The following SDC4 variants were observed in gnomAD, a reference collection of about 807,000 sequenced individuals.
The protein encoded by SDC4 is syndecan 4.
SDC4 carries 17 observed loss-of-function variants against 20.5 expected under a neutral mutation model. That is an observed-to-expected ratio of 0.83 (90% CI 0.57 to 1.25). The LOEUF is 1.25. Ranked by LOEUF, SDC4 falls within the 50% of genes most tolerant of loss-of-function variation. The probability of loss-of-function intolerance (pLI) is 0.00; values close to 1 mark genes in which losing one functional copy is unlikely to be tolerated. For synonymous variants in SDC4, 107 were observed against 105.3 expected, an observed-to-expected ratio of 1.02 and a Z score of -0.10; for missense variants, 241 against 252.3, an observed-to-expected ratio of 0.96 and a Z score of 0.30.
In SDC4 at chr20:45,342,192, G is replaced by T. The variant is rs754268661; in HGVS notation, c.60+6133C>A. The stretch of plus-strand genomic sequence containing the variant: ...TCTCAGAGCAGAGTAGAGAGCCCAC[G>T]CTGCAGCCTTATCTCAGCTGATTAG... On this transcript the variant is annotated intron_variant, in intron 1 of 4. Coordinates refer to ENST00000372733, the MANE Select transcript of SDC4 (RefSeq NM_002999.4). Among the ~76,000 whole-genome samples the T allele has an allele frequency of 1.8e-4, 27 of 152,298 alleles. No individual in the cohort carries two copies. In the South Asian group the frequency reaches 3.5e-3, roughly 20 times the overall value.
intron 1 of SDC4, among the ~76,000 whole-genome samples, chr20:45,338,833 C>T (rs567632395): frequency 2.6e-5 from 4 of 152,176 alleles, no homozygotes; most frequent in African/African-American, 4.8e-5. Context: ...CGGGGCTCCG[C>T]GGCACGGCCT....
Position 45,348,344 on chromosome 20 carries a change from A to G in SDC4, c.41T>C (p.Val14Ala). 1.3e-6 allele frequency: 2 copies of G among 1,592,098 alleles called. No homozygotes were observed. Among genetic ancestry groups the G allele is most frequent in the African/African-American group, 1.3e-5 (1 of 74,218 alleles). ...ACCCACCGACTCGGCGACTCCGCCT[A>G]CGAAGAACAGCAGCAGCGCGAACAG... ...ARLFALLLFFVGGVAESIRET... is the reference protein window; with the variant it reads ...ARLFALLLFFAGGVAESIRET... Residue 14 changes from valine (V) to alanine (A), a missense_variant, in exon 1 of 5, where the codon GTA becomes GCA. Transcript: ENST00000372733.
chr20:45,326,354 A>AG lies in SDC4; in HGVS notation c.*909dup, dbSNP rs1484895778. On this transcript the variant is annotated 3_prime_UTR_variant, in exon 5 of 5. Coordinates refer to ENST00000372733, the MANE Select transcript of SDC4 (RefSeq NM_002999.4). ...AAGAGAACAAAGAAAGAAGAGGGGA[A>AG]GGGAGGCCCTATCTAAAGCTATAAA... is the stretch of plus-strand genomic sequence containing the variant. 6.7e-6 allele frequency: 1 copy of AG among 148,750 alleles called. No homozygotes were observed. The highest frequency in any genetic ancestry group is 2.5e-5 in the African/African-American group (1 of 40,648). 9.2% of individuals were successfully genotyped at this position (148,750 alleles called of 1,614,324 possible). A position where few individuals can be genotyped will look rare whatever the true frequency, so the allele number is the denominator to read the frequency against.
At chr20:45,331,710 G>C (rs1987780385) in intron 3 of SDC4, among the ~76,000 whole-genome samples, 1 of 152,196 alleles carries the variant, frequency 6.6e-6, no homozygotes, top group African/African-American at 2.4e-5. Flanking sequence ...ACTCCCATCA[G>C]TGCCATGGCA....
At chr20:45,335,975 T>C in intron 1 of SDC4, 55 bp from the exon 2 acceptor site, 3 of 1,582,622 alleles carry the variant, frequency 1.9e-6, no homozygotes, top group Non-Finnish European at 2.6e-6. Flanking sequence ...CCATGACAGC[T>C]GATGCCCAAA....
At chr20:45,331,598 T>A (rs1987778649) in intron 3 of SDC4, among the ~76,000 whole-genome samples, 1 of 152,128 alleles carries the variant, frequency 6.6e-6, no homozygotes, top group Non-Finnish European at 1.5e-5. Flanking sequence ...CAGGTTGCAA[T>A]AAAGAAGCTT....
chr20:45,337,264 T>A lies in SDC4; in HGVS notation c.61-1344A>T, dbSNP rs549070781. On this transcript the variant is annotated intron_variant, in intron 1 of 4. Coordinates refer to ENST00000372733, the MANE Select transcript of SDC4 (RefSeq NM_002999.4). Reference sequence around the variant, plus strand: ...TGAGCAAAGTTCATTATTCTACTAATTAATTCAAACACTAAAGTGCCTAGT... The same window carrying A: ...TGAGCAAAGTTCATTATTCTACTAAATAATTCAAACACTAAAGTGCCTAGT... 7.9e-5 allele frequency among the ~76,000 whole-genome samples: 12 copies of A among 152,330 alleles called. No individual in the cohort carries two copies. In the South Asian group the frequency reaches 2.3e-3, roughly 29 times the overall value.
intron 1 of SDC4, among the ~76,000 whole-genome samples, chr20:45,337,379 A>G (rs1987887624): frequency 6.6e-6 from 1 of 152,170 alleles, no homozygotes; most frequent in Admixed American, 6.5e-5. Context: ...AGACGCCATA[A>G]CTGCAGGAGC....
Position 45,327,344 on chromosome 20 carries a change from T to C in SDC4, c.517A>G (p.Lys173Glu). ...FLILLLMYRM[K>E]KKDEGSYDLG... The stretch of plus-strand genomic sequence containing the variant: ...TCATAGCTGCCTTCATCCTTCTTCT[T>C]CATACGGTACATGAGCAGTAGGATC... The change falls in exon 5 of 5, where the codon AAG becomes GAG. Residue 173 changes from lysine to glutamate, a missense_variant. By Grantham distance (56) the Lys-to-Glu change is moderately conservative. Coordinates refer to ENST00000372733, the MANE Select transcript of SDC4 (RefSeq NM_002999.4). 1 of 1,614,098 alleles carries C rather than the reference T, an allele frequency of 6.2e-7. No individual in the cohort carries two copies. Among genetic ancestry groups the C allele is most frequent in the East Asian group, 2.2e-5 (1 of 44,872 alleles).
intron 1 of SDC4, among the ~76,000 whole-genome samples, chr20:45,344,342 C>T (rs1035566754): frequency 6.6e-6 from 1 of 152,156 alleles, no homozygotes; most frequent in African/African-American, 2.4e-5. Flanking sequence ...CAAGGTAAAA[C>T]TCTGAGCTCA....
At chr20:45,327,523 C>T in intron 4 of SDC4, 108 bp from the exon 5 acceptor site, 2 of 1,244,416 alleles carry the variant, frequency 1.6e-6, no homozygotes, top group Non-Finnish European at 2.2e-6. Flanking sequence ...GACATCCTCA[C>T]CATCACCACT....
chr20:45,338,589 T>TG, intron 1 of SDC4, among the ~76,000 whole-genome samples: 1 of 152,212 alleles, frequency 6.6e-6, no homozygotes. Context: ...AAACAACCCA[T>TG]GGGATTAGCA....
chr20:45,327,283 G>A lies in SDC4; in HGVS notation c.578C>T (p.Thr193Ile), dbSNP rs750287547. The change falls in exon 5 of 5, where the codon ACC becomes ATC. Residue 193 changes from threonine (T) to isoleucine (I), a missense_variant. Physicochemically the swap from Thr to Ile is moderately conservative, Grantham distance 89. Transcript: ENST00000372733. The stretch of plus-strand genomic sequence containing the variant: ...CAAGCTTCACGCGTAGAACTCATTG[G>A]TGGGGGCTTTCTTGTAGATGGGTTT... ...GKKPIYKKAP[T>I]NEFYA 1.2e-6 allele frequency: 2 copies of A among 1,614,194 alleles called. No individual in the cohort carries two copies. The highest frequency in any genetic ancestry group is 2.7e-5 in the African/African-American group (2 of 75,048).
chr20:45,347,429 C>G (rs1988048088), intron 1 of SDC4, among the ~76,000 whole-genome samples: 2 of 152,076 alleles, frequency 1.3e-5, no homozygotes, highest in Non-Finnish European at 2.9e-5. Context: ...CGGCTGCGGG[C>G]ATGGATAGAG....
intron 1 of SDC4, among the ~76,000 whole-genome samples, chr20:45,348,014 A>G (rs1159037423): frequency 6.6e-6 from 1 of 151,980 alleles, no homozygotes; most frequent in Non-Finnish European, 1.5e-5. Flanking sequence ...TCACCAGGGA[A>G]GGGACGAGGG....
chr20:45,330,148 T>A (rs572542403), intron 4 of SDC4, among the ~76,000 whole-genome samples: 1 of 152,204 alleles, frequency 6.6e-6, no homozygotes, highest in Non-Finnish European at 1.5e-5. Flanking sequence ...TCCAGAAGAC[T>A]TTGATAGGTG....
chr20:45,332,949 G>GT (rs1339217395), intron 3 of SDC4, 74 bp downstream of exon 3: 40 of 1,405,456 alleles, frequency 2.8e-5, no homozygotes, highest in Non-Finnish European at 3.7e-5. Context: ...TATGGGGGCT[G>GT]TATTTTCTGC....
intron 4 of SDC4, among the ~76,000 whole-genome samples, chr20:45,329,152 A>G (rs888389504): frequency 1.3e-5 from 2 of 152,242 alleles, no homozygotes; most frequent in Admixed American, 1.3e-4. Context: ...TGCTGATTAA[A>G]GCTTCTGGAA....
chr20:45,327,150 G>T lies in SDC4; in HGVS notation c.*114C>A. ...GAACACTTCAAAGGTAATCAGAGCT[G>T]GAGATACTGACAAGTCAGTATTAGG... On this transcript the variant is annotated 3_prime_UTR_variant, in exon 5 of 5. Transcript: ENST00000372733. 9.5e-7 allele frequency: 1 copy of T among 1,052,554 alleles called. No homozygotes were observed. Among genetic ancestry groups the T allele is most frequent in the Non-Finnish European group, 1.4e-6 (1 of 699,984 alleles). The allele number at this position is 1,052,554 out of a possible 1,614,324, so 65.2% of individuals were successfully genotyped here.
Sources: gnomAD v4.1 joint callset for allele counts (sites outside exome capture counted in the v4.1 genomes callset) on GRCh38, gnomAD v4.1.1 for gene constraint, MANE v1.5 for transcripts, NCBI Gene and HGNC (gene_info 2026-07-23, HGNC 2026-07-21) for gene names.